RASEF: variants seen among roughly 807,000 people sequenced by gnomAD.
The protein encoded by RASEF is RAS and EF-hand domain containing.
RASEF carries 68 observed loss-of-function variants against 90.1 expected under a neutral mutation model. The ratio of observed to expected loss-of-function variants is 0.75; its 90% confidence interval spans 0.62 to 0.92. The LOEUF (loss-of-function observed/expected upper bound fraction) is 0.92. Ranked by LOEUF, RASEF falls within the 40% of genes least tolerant of loss-of-function variation. The pLI is 0.00. For missense variants in RASEF, 949 were observed against 937.2 expected (o/e 1.01, Z -0.16); for synonymous variants, 331 against 345.2 (o/e 0.96, Z 0.46).
At chr9:83,030,812 C>T (rs1014211292) in intron 1 of RASEF, among the ~76,000 whole-genome samples, 1 of 152,188 alleles carries the variant, frequency 6.6e-6, no homozygotes, top group South Asian at 2.1e-4. Flanking sequence ...CCTCTAAAAT[C>T]GCTTACAAAA....
intron 1 of RASEF, among the ~76,000 whole-genome samples, chr9:83,030,425 T>G (rs1829625598): frequency 6.6e-6 from 1 of 152,104 alleles, no homozygotes; most frequent in Admixed American, 6.6e-5. Flanking sequence ...ATCAAAATGT[T>G]CAGAAGTACA....
At chr9:83,120,017 T>G in the RASEF span, among the ~76,000 whole-genome samples, 1 of 152,226 alleles carries the variant, frequency 6.6e-6, no homozygotes, top group African/African-American at 2.4e-5. Context: ...CACATCTGAT[T>G]TTGCTGCTTT....
At chr9:83,154,821 G>T in the RASEF span, among the ~76,000 whole-genome samples, 2 of 152,164 alleles carry the variant, frequency 1.3e-5, no homozygotes, top group Non-Finnish European at 2.9e-5. Flanking sequence ...TCTCATGTAG[G>T]TGAAATAACT....
chr9:83,109,980 C>T, the RASEF span, among the ~76,000 whole-genome samples: 1 of 152,078 alleles, frequency 6.6e-6, no homozygotes, highest in Admixed American at 6.5e-5. Context: ...AATTTGTGTG[C>T]TAAGAATGTA....
the RASEF span, among the ~76,000 whole-genome samples, chr9:83,100,301 A>C: frequency 4.5e-3 from 679 of 152,322 alleles, 2 homozygotes; most frequent in African/African-American, 0.016. Context: ...GCTTCTTCAG[A>C]GAGCATTCAA....
the RASEF span, among the ~76,000 whole-genome samples, chr9:83,142,403 T>C: frequency 3.3e-5 from 5 of 152,228 alleles, no homozygotes; most frequent in Non-Finnish European, 5.9e-5. Context: ...TACAGTTGAT[T>C]CCTCTGAATA....
At chr9:83,102,371 C>T in the RASEF span, among the ~76,000 whole-genome samples, 1 of 152,128 alleles carries the variant, frequency 6.6e-6, no homozygotes, top group Non-Finnish European at 1.5e-5. Context: ...AGAGCAGAAA[C>T]AAAAAGGCAA....
At chr9:83,176,890 CCAAGAGAAGA>C in the RASEF span, among the ~76,000 whole-genome samples, 1 of 151,900 alleles carries the variant, frequency 6.6e-6, no homozygotes, top group African/African-American at 2.4e-5. Context: ...TGTAAAGAAG[CCAAGAGAAGA>C]GCACAAAGCA....
chr9:83,093,658 A>T, the RASEF span, among the ~76,000 whole-genome samples: 2 of 152,160 alleles, frequency 1.3e-5, no homozygotes, highest in African/African-American at 4.8e-5. Flanking sequence ...CAAGGGCCGC[A>T]CGCAGCCCCG....
chr9:83,077,258 C>G, the RASEF span, among the ~76,000 whole-genome samples: 1 of 152,256 alleles, frequency 6.6e-6, no homozygotes, highest in African/African-American at 2.4e-5. Context: ...CTCTTATCAT[C>G]TACAATTTTT....
At chr9:83,068,573 C>T in the RASEF span, among the ~76,000 whole-genome samples, 1 of 152,196 alleles carries the variant, frequency 6.6e-6, no homozygotes, top group African/African-American at 2.4e-5. Context: ...CCTGAATGAA[C>T]TTGGCAGAGG....
chr9:83,106,627 T>C, the RASEF span, among the ~76,000 whole-genome samples: 8 of 152,220 alleles, frequency 5.3e-5, no homozygotes, highest in Non-Finnish European at 1.2e-4. Flanking sequence ...TTCTCCTTTG[T>C]GTCCCATCAG....
rs1042202740 is a variant in RASEF at position 83,062,785 on chromosome 9, A to G, written c.83T>C (p.Leu28Pro). ...AACDANRSGR[L>P]EREEFRALCT... ...CAGTGCCCGGAACTCCTCGCGCTCCAGGCGCCCCGAGCGGTTCGCGTCGCA... is the reference window on the plus strand; with the variant it reads ...CAGTGCCCGGAACTCCTCGCGCTCCGGGCGCCCCGAGCGGTTCGCGTCGCA... Residue 28 changes from leucine (L) to proline (P), a missense_variant, in exon 1 of 17, where the codon CTG becomes CCG. Transcript: ENST00000376447. 1.7e-5 allele frequency: 27 copies of G among 1,556,778 alleles called. No homozygotes were observed. Among genetic ancestry groups the G allele is most frequent in the Non-Finnish European group, 2.2e-5 (25 of 1,161,192 alleles).
intron 1 of RASEF, chr9:83,055,702 C>A (rs984013207): frequency 1.2e-4 from 89 of 716,852 alleles, no homozygotes; most frequent in Non-Finnish European, 2.1e-4. Context: ...CAAAAGTCAT[C>A]CAAATCTGTA....
chr9:83,040,389 T>C (rs1206178977), intron 1 of RASEF, among the ~76,000 whole-genome samples: 1 of 152,192 alleles, frequency 6.6e-6, no homozygotes, highest in Non-Finnish European at 1.5e-5. Flanking sequence ...TAATAACATA[T>C]ATGTGAGTTC....
chr9:83,037,785 C>A (rs1176482888), intron 1 of RASEF, among the ~76,000 whole-genome samples: 3 of 87,700 alleles, frequency 3.4e-5, no homozygotes, highest in Admixed American at 1.3e-4. Context: ...TCTAAGCTTT[C>A]ATTACATTTT....
At chr9:83,186,033 G>A in the RASEF span, among the ~76,000 whole-genome samples, 1 of 152,196 alleles carries the variant, frequency 6.6e-6, no homozygotes, top group African/African-American at 2.4e-5. Context: ...TTTCAACTGA[G>A]TTGAGTGTGA....
the RASEF span, among the ~76,000 whole-genome samples, chr9:83,153,672 C>T: frequency 1.3e-5 from 2 of 152,210 alleles, no homozygotes; most frequent in African/African-American, 4.8e-5. Flanking sequence ...TCATACCAGA[C>T]CTGTTGCACA....
intron 8 of RASEF, 95 bp from the exon 9 acceptor site, chr9:83,004,681 G>T: frequency 1.4e-6 from 1 of 728,526 alleles, no homozygotes; most frequent in Non-Finnish European, 2.4e-6. Context: ...TTTTAAAACT[G>T]TAGCACACTA....
Sources: gnomAD v4.1 joint callset for allele counts (sites outside exome capture counted in the v4.1 genomes callset) on GRCh38, gnomAD v4.1.1 for gene constraint, MANE v1.5 for transcripts, NCBI Gene and HGNC (gene_info 2026-07-23, HGNC 2026-07-21) for gene names.